Variants in COL14A1 observed in about 807,000 individuals in gnomAD.
COL14A1 encodes the protein collagen alpha-1(XIV) chain.
A neutral mutation model predicts 230.3 loss-of-function variants in COL14A1; 136 were observed. That is an observed-to-expected ratio of 0.59 (90% confidence interval 0.51 to 0.68). The LOEUF (loss-of-function observed/expected upper bound fraction) is 0.68. Among genes scored for constraint, COL14A1 ranks in the 30% least tolerant of loss-of-function variants. The pLI, the probability that COL14A1 is intolerant of heterozygous loss-of-function variation, is 0.00. For synonymous variants in COL14A1, 792 were observed against 784.1 expected, an observed-to-expected ratio of 1.01 and a Z score of -0.17; for missense variants, 1,976 against 2,215.8, an observed-to-expected ratio of 0.89 and a Z score of 2.17.
chr8:120,315,440 A>G lies in COL14A1; in HGVS notation c.4552-93A>G, dbSNP rs1821187976. ...TTAGATGTTAGTGCAAACGCGATTT[A>G]CTGTGGAAACTATTTAAATAATGAG... On this transcript the variant is annotated intron_variant, in intron 38 of 47. Coordinates refer to ENST00000297848, the MANE Select transcript of COL14A1 (RefSeq NM_021110.4). 1.9e-5 allele frequency: 17 copies of G among 888,968 alleles called. No individual in the cohort carries two copies. The South Asian group carries it at 2.7e-4, about 14-fold the overall frequency. 55.1% of individuals were successfully genotyped at this position (888,968 alleles called of 1,614,324 possible).
intron 5 of COL14A1, 138 bp from the exon 6 acceptor site, chr8:120,196,653 G>C: frequency 1.3e-6 from 1 of 773,576 alleles, no homozygotes; most frequent in East Asian, 2.7e-5. Flanking sequence ...TTTAAGGGAA[G>C]AGTTGTAAAA....
intron 35 of COL14A1, among the ~76,000 whole-genome samples, chr8:120,298,353 G>A (rs1820592227): frequency 6.6e-6 from 1 of 151,248 alleles, no homozygotes; most frequent in South Asian, 2.1e-4. Flanking sequence ...AGTGCTCCCA[G>A]GCATCTTGGT....
intron 19 of COL14A1, among the ~76,000 whole-genome samples, chr8:120,241,372 A>G (rs1818602748): frequency 1.3e-5 from 2 of 152,202 alleles, no homozygotes; most frequent in Admixed American, 6.5e-5. Context: ...AGGGGAACAC[A>G]GCGAGATGCA....
chr8:120,252,772 A>T (rs7823333), intron 22 of COL14A1, among the ~76,000 whole-genome samples: 61,210 of 151,938 alleles, frequency 0.4, 12,547 homozygotes, highest in Middle Eastern at 0.5. Context: ...CCTATATCTT[A>T]CCCTCATCCC....
At chr8:120,265,700 A>G (rs1005100250) in intron 24 of COL14A1, among the ~76,000 whole-genome samples, 7 of 151,994 alleles carry the variant, frequency 4.6e-5, no homozygotes, top group African/African-American at 1.4e-4. Context: ...AGATTATGCC[A>G]TGGTATTCTG....
intron 33 of COL14A1, among the ~76,000 whole-genome samples, chr8:120,288,760 G>T (rs768149135): frequency 1.3e-5 from 2 of 152,094 alleles, no homozygotes; most frequent in East Asian, 1.9e-4. Flanking sequence ...ACTTCTTTTG[G>T]CTTTTACTTA....
At chr8:120,133,543 T>G (rs992183221) in intron 1 of COL14A1, among the ~76,000 whole-genome samples, 1 of 152,164 alleles carries the variant, frequency 6.6e-6, no homozygotes, top group Non-Finnish European at 1.5e-5. Flanking sequence ...TTAGAGGATA[T>G]TCTTCATAAC....
intron 42 of COL14A1, among the ~76,000 whole-genome samples, chr8:120,338,066 A>G (rs1822145053): frequency 6.6e-6 from 1 of 152,220 alleles, no homozygotes; most frequent in South Asian, 2.1e-4. Context: ...GGTTTGCACT[A>G]TAATTGTAGT....
rs573524482 is a variant in COL14A1 at position 120,359,164 on chromosome 8, C to T, written c.5078-8007C>T. Among the ~76,000 whole-genome samples the T allele has an allele frequency of 6.9e-4, 105 of 152,042 alleles. 1 individual carries two copies. The highest frequency in any genetic ancestry group is 2.4e-3 in the African/African-American group (100 of 41,484). Reference sequence around the variant, plus strand: ...ATGGTGGTTTGCTGCACCTATCGACCCGTCATCTAGGTTTTAATCCCCGCA... The same window carrying T: ...ATGGTGGTTTGCTGCACCTATCGACTCGTCATCTAGGTTTTAATCCCCGCA... On this transcript the variant is annotated intron_variant, in intron 45 of 47. Transcript: ENST00000297848.
At chr8:120,366,451 C>A (rs1823409007) in intron 45 of COL14A1, among the ~76,000 whole-genome samples, 1 of 152,224 alleles carries the variant, frequency 6.6e-6, no homozygotes. Context: ...AGACCCCAGT[C>A]TAATGCAACC....
chr8:120,307,351 C>A (rs1328825192), intron 36 of COL14A1, among the ~76,000 whole-genome samples: 1 of 152,106 alleles, frequency 6.6e-6, no homozygotes, highest in African/African-American at 2.4e-5. Flanking sequence ...CATTGCAGAT[C>A]AAGTAGAGAA....
chr8:120,356,776 A>G (rs1823003482), intron 45 of COL14A1, among the ~76,000 whole-genome samples: 1 of 151,396 alleles, frequency 6.6e-6, no homozygotes, highest in African/African-American at 2.4e-5. Context: ...TCCTTCTTTG[A>G]TTCACCATCC....
Position 120,311,228 on chromosome 8 carries a change from A to G in COL14A1, c.4455+1166A>G, listed in dbSNP as rs77593861. Among the ~76,000 whole-genome samples the G allele has an allele frequency of 9.6e-3, 1,468 of 152,188 alleles. 23 individuals are homozygous for G. Among genetic ancestry groups the G allele is most frequent in the African/African-American group, 0.034 (1,395 of 41,526 alleles). On this transcript the variant is annotated intron_variant, in intron 37 of 47. Transcript: ENST00000297848. ...TTGGTTCCATCTTTTATGGTGCTGTAAGAAGGGCAGTAGTTGGAGGCCTCT... is the reference window on the plus strand; with the variant it reads ...TTGGTTCCATCTTTTATGGTGCTGTGAGAAGGGCAGTAGTTGGAGGCCTCT...
In COL14A1 at chr8:120,345,442, C is replaced by A; in HGVS notation, c.4956C>A (p.Val1652=). 6.2e-7 allele frequency: 1 copy of A among 1,604,214 alleles called. No individual in the cohort carries two copies. ...GCCACTCCTCATCCATCCGGACTGT[C>A]CAAGGGCCTCCTGGGGAGCCTGGGA... is the stretch of plus-strand genomic sequence containing the variant. The part of the protein sequence containing the change: ...IPSHSSSIRT[V]QGPPGEPGRP... The change falls in exon 45 of 48, where the codon GTC becomes GTA. Residue 1652 remains valine, a synonymous_variant. Transcript: ENST00000297848.
chr8:120,325,022 G>T (rs1821610295), intron 40 of COL14A1, among the ~76,000 whole-genome samples: 1 of 151,966 alleles, frequency 6.6e-6, no homozygotes, highest in South Asian at 2.1e-4. Context: ...TGCAAAAATG[G>T]AAGTTAAGAA....
chr8:120,369,303 C>G lies in COL14A1; in HGVS notation c.5156-27C>G, dbSNP rs373912508. On this transcript the variant is annotated intron_variant, in intron 46 of 47. Coordinates refer to ENST00000297848, the MANE Select transcript of COL14A1 (RefSeq NM_021110.4). ...TCACCCTGTTGTGGCAAAAGACCAA[C>G]GGTTTTCATCTGTGGGTACTTCTTA... 3.4e-6 allele frequency: 5 copies of G among 1,470,832 alleles called. No homozygotes were observed. The African/African-American group carries it at 5.8e-5, about 17-fold the overall frequency. 91.1% of individuals were successfully genotyped at this position (1,470,832 alleles called of 1,614,324 possible).
chr8:120,209,351 A>C (rs1817547245), intron 11 of COL14A1, among the ~76,000 whole-genome samples: 2 of 152,098 alleles, frequency 1.3e-5, no homozygotes, highest in African/African-American at 4.8e-5. Flanking sequence ...TGACAGAGGA[A>C]GAACAGGTCT....
rs1188522727 is a variant in COL14A1, at chr8:120,200,745, ATATATATATATATATATATATT to A, written c.877+1180_877+1201del. Among the ~76,000 whole-genome samples the A allele has an allele frequency of 8.5e-5, 6 of 70,298 alleles. 1 individual carries two copies. The highest frequency in any genetic ancestry group is 1.1e-4 in the Non-Finnish European group (4 of 35,064). The allele number at this position is 70,298 out of a possible 152,430, so 46.1% of individuals were successfully genotyped here. A position where few individuals can be genotyped will look rare whatever the true frequency, so the allele number is the denominator to read the frequency against. The stretch of plus-strand genomic sequence containing the variant: ...TATATATATATATATATATATATAT[ATATATATATATATATATATATT>A]ATTTTTCATCAGAGGAGGTTTCTGA... On this transcript the variant is annotated intron_variant, in intron 8 of 47. Transcript: ENST00000297848.
chr8:120,133,828 T>G (rs1392060326), intron 1 of COL14A1, among the ~76,000 whole-genome samples: 1 of 151,934 alleles, frequency 6.6e-6, no homozygotes. Context: ...ATTTGGAAGG[T>G]AAGAAGAAAG....
Sources: allele counts gnomAD v4.1 joint callset (sites outside exome capture counted in the v4.1 genomes callset), GRCh38; gene constraint gnomAD v4.1.1; transcripts MANE v1.5; gene names NCBI Gene and HGNC (gene_info 2026-07-23, HGNC 2026-07-21).